Variants in SDE2 observed in about 807,000 individuals in gnomAD.
SDE2 encodes splicing regulator SDE2.
SDE2 carries 31 observed loss-of-function variants against 46.9 expected under a neutral mutation model. The observed-to-expected ratio is 0.66, with a 90% CI of 0.50 to 0.89. The LOEUF is 0.89. Ranked by LOEUF, SDE2 falls within the 40% of genes least tolerant of loss-of-function variation. The pLI, the probability that SDE2 is intolerant of heterozygous loss-of-function variation, is 0.00. For synonymous variants in SDE2, 205 were observed against 204.3 expected (o/e 1.00, Z -0.03); for missense variants, 542 against 564.4 (o/e 0.96, Z 0.40).
chr1:225,991,546 T>C (rs541709484), intron 4 of SDE2, among the ~76,000 whole-genome samples, 183 bp from the exon 5 acceptor site: 1 of 150,598 alleles, frequency 6.6e-6, no homozygotes, highest in East Asian at 1.9e-4. Context: ...CATTCTAGTC[T>C]AGGAGCAGAT....
Position 225,995,152 on chromosome 1 carries a change from G to C in SDE2, c.238+114C>G, listed in dbSNP as rs561313593. 134 of 628,282 alleles carry C rather than the reference G, an allele frequency of 2.1e-4. 1 individual carries two copies. The highest frequency in any genetic ancestry group is 3.4e-4 in the Non-Finnish European group (119 of 347,076). The allele number at this position is 628,282 out of a possible 1,614,324, so 38.9% of individuals were successfully genotyped here. A position where few individuals can be genotyped will look rare whatever the true frequency, so the allele number is the denominator to read the frequency against. ...TTGGCATACTAAAGAGACTAAGAAG[G>C]TTGTTAATTTAATACCATGGCTAAA... On this transcript the variant is annotated intron_variant, in intron 2 of 6. Transcript: ENST00000272091.
Position 225,984,999 on chromosome 1 carries a change from T to G in SDE2, c.*303A>C. The G allele has an allele frequency of 3.0e-6, 1 of 330,358 alleles. No homozygotes were observed. The highest frequency in any genetic ancestry group is 5.6e-6 in the Non-Finnish European group (1 of 180,138). The allele number at this position is 330,358 out of a possible 1,614,324, so 20.5% of individuals were successfully genotyped here. On this transcript the variant is annotated 3_prime_UTR_variant, in exon 7 of 7. Coordinates refer to ENST00000272091, the MANE Select transcript of SDE2 (RefSeq NM_152608.4). ...CCTTATGTCTACAAATTTGATAACCTGGGTCAAAAGGATAGATTTCTTGGA... is the reference window on the plus strand; with the variant it reads ...CCTTATGTCTACAAATTTGATAACCGGGGTCAAAAGGATAGATTTCTTGGA...
At position 225,991,295 on chromosome 1, in the gene SDE2, T is replaced by C. The variant is rs2102703753; in HGVS notation, c.589A>G (p.Thr197Ala). ...GCTCCTCTGTCTGTTTGAGATTTAG[T>C]AGGCCATTGCCGTTTCCGATTCTCA... ...ISENRKRQWP[T>A]KSQTDRGASA... The change falls in exon 5 of 7, where the codon ACT (threonine) becomes GCT (alanine). Residue 197 changes from threonine to alanine, a missense_variant. Physicochemically the swap from Thr to Ala is moderately conservative, Grantham distance 58. Coordinates refer to ENST00000272091, the MANE Select transcript of SDE2 (RefSeq NM_152608.4). 1 of 1,613,882 alleles carries C rather than the reference T, an allele frequency of 6.2e-7. No homozygotes were observed.
chr1:225,985,593 AC>A, intron 6 of SDE2, 70 bp from the exon 7 acceptor site: 1 of 966,966 alleles, frequency 1.0e-6, no homozygotes. Context: ...TTAACTGTCA[AC>A]TACATTTCTT....
chr1:225,988,792 C>T (rs1656327672), intron 5 of SDE2, among the ~76,000 whole-genome samples: 1 of 152,094 alleles, frequency 6.6e-6, no homozygotes, highest in African/African-American at 2.4e-5. Flanking sequence ...TTTCTGCTAG[C>T]TTGAGATGGA....
Sources: gnomAD v4.1 joint callset for allele counts (sites outside exome capture counted in the v4.1 genomes callset) on GRCh38, gnomAD v4.1.1 for gene constraint, MANE v1.5 for transcripts, NCBI Gene and HGNC (gene_info 2026-07-23, HGNC 2026-07-21) for gene names.